RHCE: variants seen among roughly 807,000 people sequenced by gnomAD.
RHCE encodes the protein Rh blood group CcEe antigens.
Under a neutral mutation model 43.8 loss-of-function variants are expected in RHCE, and 22 were observed. That is an observed-to-expected ratio of 0.50 (90% confidence interval 0.36 to 0.72). The LOEUF is 0.72. Ranked by LOEUF, RHCE falls within the 30% of genes least tolerant of loss-of-function variation. RHCE has a pLI of 0.00. For missense variants in RHCE, 385 were observed against 525.4 expected (o/e 0.73, Z 2.61); for synonymous variants, 156 against 210.7 (o/e 0.74, Z 2.25).
At chr1:25,410,910 T>C (rs1647053235) in intron 1 of RHCE, among the ~76,000 whole-genome samples, 2 of 151,940 alleles carry the variant, frequency 1.3e-5, no homozygotes, top group African/African-American at 2.4e-5. Context: ...GCCAACATGG[T>C]GAAACCCCGT....
chr1:25,408,391 T>C (rs1019136412), intron 2 of RHCE, among the ~76,000 whole-genome samples: 3 of 123,066 alleles, frequency 2.4e-5, no homozygotes, highest in African/African-American at 7.6e-5. Context: ...TTATACTGAT[T>C]ATGTAACTTT....
chr1:25,390,922 G>A lies in RHCE; in HGVS notation c.635-7C>T, dbSNP rs1646341526. 1 of 1,614,126 alleles carries A rather than the reference G, an allele frequency of 6.2e-7. No individual in the cohort carries two copies. Among genetic ancestry groups the A allele is most frequent in the East Asian group, 2.2e-5 (1 of 44,874 alleles). ...ATCCACAAGAAGAGGGCGCCTGGGG[G>A]CCAGAGAGGGTGGTTGGCCAGAATC... On this transcript the variant is annotated splice_region_variant and splice_polypyrimidine_tract_variant and intron_variant, in intron 4 of 9. Transcript: ENST00000294413.
At chr1:25,379,481 ATATATATATATATATTTTTTTTTTTT>A (rs1387515464) in intron 7 of RHCE, among the ~76,000 whole-genome samples, 1,210 of 17,918 alleles carry the variant, frequency 0.068, 44 homozygotes, top group South Asian at 0.099. Context: ...ATATATATAT[ATATATATATATATATTTTTTTTTTTT>A]TTTTTTTTTT....
At position 25,408,870 on chromosome 1, in the gene RHCE, C is replaced by A; in HGVS notation, c.149-1G>T. ...GCCATCACGGTCAGATCTTGGCCGA[C>A]TGCTCGGTGGGGAGATGGTGAGAAG... On this transcript the variant is annotated splice_acceptor_variant, in intron 1 of 9. Transcript: ENST00000294413. LOFTEE classifies it high-confidence loss of function. 1 of 1,283,122 alleles carries A rather than the reference C, an allele frequency of 7.8e-7. No homozygotes were observed. Among genetic ancestry groups the A allele is most frequent in the Non-Finnish European group, 1.0e-6 (1 of 962,692 alleles). 79.5% of individuals were successfully genotyped at this position (1,283,122 alleles called of 1,614,324 possible). A position where few individuals can be genotyped will look rare whatever the true frequency, so the allele number is the denominator to read the frequency against.
chr1:25,373,378 T>C (rs1645673098), intron 8 of RHCE, among the ~76,000 whole-genome samples: 1 of 151,698 alleles, frequency 6.6e-6, no homozygotes, highest in African/African-American at 2.4e-5. Flanking sequence ...ACAGACACCT[T>C]GCATTTTTGC....
intron 1 of RHCE, among the ~76,000 whole-genome samples, chr1:25,418,310 G>A (rs2042657370): frequency 6.6e-6 from 1 of 150,548 alleles, no homozygotes; most frequent in Admixed American, 6.6e-5. Context: ...TTACAGGCAT[G>A]AGCCACCACA....
intron 8 of RHCE, among the ~76,000 whole-genome samples, chr1:25,371,687 ACT>A (rs902122940): frequency 2.6e-5 from 4 of 151,116 alleles, no homozygotes; most frequent in Admixed American, 2.6e-4. Flanking sequence ...TTCCCTGTCT[ACT>A]CTCTGCCCAG....
At chr1:25,411,065 C>T (rs1647058876) in intron 1 of RHCE, among the ~76,000 whole-genome samples, 1 of 151,860 alleles carries the variant, frequency 6.6e-6, no homozygotes, top group Non-Finnish European at 1.5e-5. Context: ...GCACTCCAGC[C>T]TGGGCGACAC....
intron 7 of RHCE, among the ~76,000 whole-genome samples, chr1:25,385,026 T>A (rs1444068390): frequency 6.6e-6 from 1 of 152,212 alleles, no homozygotes; most frequent in Non-Finnish European, 1.5e-5. Context: ...CTTTTTCATT[T>A]TATATAAGCC....
At chr1:25,417,076 A>G (rs1232286527) in intron 1 of RHCE, among the ~76,000 whole-genome samples, 1 of 151,758 alleles carries the variant, frequency 6.6e-6, no homozygotes, top group Non-Finnish European at 1.5e-5. Context: ...TTTTTCTGGT[A>G]TGAAAGCAAA....
chr1:25,373,782 A>T (rs1055955819), intron 8 of RHCE, among the ~76,000 whole-genome samples: 7 of 151,590 alleles, frequency 4.6e-5, no homozygotes, highest in African/African-American at 7.3e-5. Flanking sequence ...TCTAACCAAT[A>T]AAAGATGTTT....
chr1:25,373,000 A>C (rs1317458031), intron 8 of RHCE, among the ~76,000 whole-genome samples: 2 of 147,824 alleles, frequency 1.4e-5, no homozygotes, highest in Non-Finnish European at 2.9e-5. Context: ...ATGGGGTCTC[A>C]CTATAGGATT....
chr1:25,423,585 C>T (rs1009260394), upstream of RHCE, among the ~76,000 whole-genome samples: 1 of 152,204 alleles, frequency 6.6e-6, no homozygotes, highest in Admixed American at 6.5e-5. Context: ...GGGAGGTATC[C>T]CTGCAGTTGG....
upstream of RHCE, among the ~76,000 whole-genome samples, chr1:25,421,602 C>T (rs1390693480): frequency 6.6e-6 from 1 of 152,202 alleles, no homozygotes; most frequent in Non-Finnish European, 1.5e-5. Flanking sequence ...CATCCCCATC[C>T]CTCAGTACTG....
chr1:25,381,322 T>C (rs1354700529), intron 7 of RHCE, among the ~76,000 whole-genome samples: 1 of 152,192 alleles, frequency 6.6e-6, no homozygotes, highest in Non-Finnish European at 1.5e-5. Context: ...ACCAGCCACA[T>C]TTCTATCAGC....
chr1:25,399,282 A>G, intron 3 of RHCE: 1 of 796,888 alleles, frequency 1.3e-6, no homozygotes, highest in Non-Finnish European at 2.2e-6. Context: ...ACAATAAGGA[A>G]GAAATAACAG....
chr1:25,405,481 C>T (rs1489401116), intron 2 of RHCE, among the ~76,000 whole-genome samples: 3 of 152,062 alleles, frequency 2.0e-5, no homozygotes, highest in East Asian at 1.9e-4. Context: ...GGTGAAACCC[C>T]GTCTCTACTA....
chr1:25,422,245 A>G (rs2042770192), upstream of RHCE, among the ~76,000 whole-genome samples: 1 of 152,252 alleles, frequency 6.6e-6, no homozygotes, highest in Non-Finnish European at 1.5e-5. Flanking sequence ...ACTGCAGGAC[A>G]TGAAACTTGC....
chr1:25,418,400 C>T (rs1419142590), intron 1 of RHCE, among the ~76,000 whole-genome samples: 3 of 151,868 alleles, frequency 2.0e-5, no homozygotes, highest in South Asian at 4.2e-4. Flanking sequence ...CTTGCTCTGT[C>T]GCCCAGGCTG....
Sources: gnomAD v4.1 joint callset for allele counts (sites outside exome capture counted in the v4.1 genomes callset) on GRCh38, gnomAD v4.1.1 for gene constraint, MANE v1.5 for transcripts, NCBI Gene and HGNC (gene_info 2026-07-23, HGNC 2026-07-21) for gene names.